Variants in GLIPR1L1 observed in about 807,000 individuals in gnomAD.
The protein encoded by GLIPR1L1 is GLIPR1 like 1.
GLIPR1L1 carries 26 observed loss-of-function variants against 29.9 expected under a neutral mutation model. The ratio of observed to expected loss-of-function variants is 0.87; its 90% CI spans 0.64 to 1.21. GLIPR1L1 has a LOEUF of 1.21. GLIPR1L1 is among the 50% of genes most tolerant of loss of function. The pLI is 0.00. For missense variants in GLIPR1L1, 305 were observed against 290.3 expected, an observed-to-expected ratio of 1.05 and a Z score of -0.37; for synonymous variants, 77 against 97.5, an observed-to-expected ratio of 0.79 and a Z score of 1.24.
chr12:75,343,654 C>CT, intron 1 of GLIPR1L1, 39 bp from the exon 2 acceptor site: 1 of 1,457,668 alleles, frequency 6.9e-7, no homozygotes, highest in Non-Finnish European at 9.3e-7. Context: ...AATGCAAATA[C>CT]TTATGCACAA....
At chr12:75,340,732 TA>T (rs540433596) in intron 1 of GLIPR1L1, among the ~76,000 whole-genome samples, 265 of 122,536 alleles carry the variant, frequency 2.2e-3, no homozygotes, top group Middle Eastern at 4.1e-3. Context: ...AACTCAACAG[TA>T]AAAAAAAAAA....
At chr12:75,347,745 T>C (rs2042551649) in intron 3 of GLIPR1L1, 23 bp downstream of exon 3, 2 of 1,468,346 alleles carry the variant, frequency 1.4e-6, no homozygotes, top group Non-Finnish European at 1.9e-6. Context: ...CTCTTAAAAA[T>C]ATTTTAATTG....
At chr12:75,344,376 T>A (rs1000951204) in intron 2 of GLIPR1L1, among the ~76,000 whole-genome samples, 3 of 152,158 alleles carry the variant, frequency 2.0e-5, no homozygotes, top group Non-Finnish European at 2.9e-5. Context: ...ATCTTTAAGT[T>A]TGCTAATCTA....
At chr12:75,369,551 C>G (rs921290223) in intron 4 of GLIPR1L1, 3 of 982,132 alleles carry the variant, frequency 3.1e-6, no homozygotes, top group African/African-American at 3.5e-5. Flanking sequence ...GAAAAGACAT[C>G]GAGAAATATT....
At chr12:75,352,607 T>C (rs971100390) in intron 3 of GLIPR1L1, among the ~76,000 whole-genome samples, 4 of 152,126 alleles carry the variant, frequency 2.6e-5, no homozygotes, top group Admixed American at 2.0e-4. Flanking sequence ...GACAGAATAT[T>C]AACAAAAATA....
chr12:75,343,034 A>C (rs1202175643), intron 1 of GLIPR1L1, among the ~76,000 whole-genome samples: 1 of 151,880 alleles, frequency 6.6e-6, no homozygotes, highest in Non-Finnish European at 1.5e-5. Context: ...TTTATGTATT[A>C]ATTTAAATTT....
At chr12:75,366,771 G>T (rs992570665) in intron 4 of GLIPR1L1, 1 of 665,234 alleles carries the variant, frequency 1.5e-6, no homozygotes, top group Non-Finnish European at 2.7e-6. Context: ...ACGCTCTTAT[G>T]TGTCTCAGTT....
chr12:75,345,471 C>A (rs1054455187), intron 2 of GLIPR1L1, among the ~76,000 whole-genome samples: 3 of 152,060 alleles, frequency 2.0e-5, no homozygotes, highest in African/African-American at 7.2e-5. Flanking sequence ...AAGAGCTAAC[C>A]TTCTTCTCTA....
intron 1 of GLIPR1L1, among the ~76,000 whole-genome samples, chr12:75,335,937 A>G (rs1490847762): frequency 6.6e-6 from 1 of 151,970 alleles, no homozygotes; most frequent in Non-Finnish European, 1.5e-5. Flanking sequence ...AAAAAGAGTA[A>G]ATGTGGGGTT....
chr12:75,338,929 T>G (rs1315712169), intron 1 of GLIPR1L1, among the ~76,000 whole-genome samples: 3 of 152,242 alleles, frequency 2.0e-5, no homozygotes, highest in East Asian at 1.9e-4. Context: ...AAGGACTTGA[T>G]CTCATTCCTT....
intron 1 of GLIPR1L1, among the ~76,000 whole-genome samples, chr12:75,337,303 C>G (rs960975358): frequency 6.6e-6 from 1 of 151,264 alleles, no homozygotes; most frequent in Admixed American, 6.6e-5. Context: ...TCAATAATAT[C>G]AAAAGTTGGT....
At position 75,339,148 on chromosome 12, in the gene GLIPR1L1, T is replaced by C. The variant is rs1397829339; in HGVS notation, c.174+4246T>C. On this transcript the variant is annotated intron_variant, in intron 1 of 5. Coordinates refer to ENST00000378695, the MANE Select transcript of GLIPR1L1 (RefSeq NM_001304964.2). ...TGGGATTGCTGGGTCAAATGGTATT[T>C]CTGACTCTAGATCTTTGAGGAATTG... 3.3e-5 allele frequency among the ~76,000 whole-genome samples: 5 copies of C among 152,344 alleles called. No individual in the cohort carries two copies. In the East Asian group the frequency reaches 9.6e-4, roughly 29 times the overall value.
At chr12:75,369,711 G>C (rs188028916) in intron 4 of GLIPR1L1, 1 of 985,050 alleles carries the variant, frequency 1.0e-6, no homozygotes, top group Admixed American at 6.2e-5. Flanking sequence ...AGCTTTTTCT[G>C]GTTTTGACTT....
intron 3 of GLIPR1L1, among the ~76,000 whole-genome samples, chr12:75,358,109 C>CA (rs1169119466): frequency 6.6e-6 from 1 of 150,772 alleles, no homozygotes. Flanking sequence ...CCATACTGAT[C>CA]AAAAAAAGAT....
intron 3 of GLIPR1L1, among the ~76,000 whole-genome samples, chr12:75,356,617 G>A (rs142531934): frequency 6.6e-6 from 1 of 151,886 alleles, no homozygotes; most frequent in East Asian, 1.9e-4. Context: ...CCAAAGAAAG[G>A]CAAAAAGAAA....
intron 3 of GLIPR1L1, among the ~76,000 whole-genome samples, chr12:75,355,447 C>T (rs2043091706): frequency 6.6e-6 from 1 of 152,040 alleles, no homozygotes; most frequent in Non-Finnish European, 1.5e-5. Flanking sequence ...GTCAGAATGG[C>T]AATTATTAAA....
intron 1 of GLIPR1L1, 108 bp from the exon 2 acceptor site, chr12:75,343,585 T>G: frequency 2.4e-6 from 2 of 837,934 alleles, no homozygotes; most frequent in Non-Finnish European, 3.6e-6. Context: ...AAAAACTACA[T>G]CTTATTAAAA....
At chr12:75,359,480 G>T (rs1320450469) in intron 3 of GLIPR1L1, among the ~76,000 whole-genome samples, 1 of 146,658 alleles carries the variant, frequency 6.8e-6, no homozygotes, top group Non-Finnish European at 1.5e-5. Context: ...AAATTCATGT[G>T]GAAGTGCAAA....
chr12:75,344,974 G>A (rs766949314), intron 2 of GLIPR1L1, among the ~76,000 whole-genome samples: 10 of 152,092 alleles, frequency 6.6e-5, no homozygotes, highest in Non-Finnish European at 1.3e-4. Context: ...TGTGTAAACC[G>A]TGGTATTATC....
Sources: gnomAD v4.1 joint callset for allele counts (sites outside exome capture counted in the v4.1 genomes callset) on GRCh38, gnomAD v4.1.1 for gene constraint, MANE v1.5 for transcripts, NCBI Gene and HGNC (gene_info 2026-07-23, HGNC 2026-07-21) for gene names.